Variants in GRIN2D observed in about 807,000 individuals in gnomAD.
The protein encoded by GRIN2D is glutamate ionotropic receptor NMDA type subunit 2D.
GRIN2D carries 37 observed loss-of-function variants against 103.2 expected under a neutral mutation model. The observed-to-expected ratio is 0.36, with a 90% CI of 0.28 to 0.47. The LOEUF (loss-of-function observed/expected upper bound fraction) is 0.47. Ranked by LOEUF, GRIN2D falls within the 20% of genes least tolerant of loss-of-function variation. The pLI is 1.00. For missense variants in GRIN2D, 1,557 were observed against 1,910.6 expected (o/e 0.81, Z 3.45); for synonymous variants, 845 against 885.6 (o/e 0.95, Z 0.81).
chr19:48,424,461 G>A (rs1158117485), intron 11 of GRIN2D, among the ~76,000 whole-genome samples: 1 of 150,710 alleles, frequency 6.6e-6, no homozygotes, highest in Non-Finnish European at 1.5e-5. Context: ...TAATAGAGAC[G>A]GGGTTTCACC....
Position 48,398,410 on chromosome 19 carries a change from C to A in GRIN2D, c.18C>A (p.Gly6=). Residue 6 remains glycine, a synonymous_variant, in exon 3 of 14, where the codon GGC becomes GGA. Transcript: ENST00000263269. ...CGCAGGCGATGCGCGGCGCCGGTGG[C>A]CCCCGCGGCCCTCGGGGCCCCGCTA... is the stretch of plus-strand genomic sequence containing the variant. MRGAG[G]PRGPRGPAKM... is the part of the protein sequence containing the mutation. 1 of 1,118,542 alleles carries A rather than the reference C, an allele frequency of 8.9e-7. No homozygotes were observed. 69.3% of individuals were successfully genotyped at this position (1,118,542 alleles called of 1,614,324 possible). A position where few individuals can be genotyped will look rare whatever the true frequency, so the allele number is the denominator to read the frequency against.
chr19:48,438,183 TAGG>T (rs1245550279), intron 11 of GRIN2D, among the ~76,000 whole-genome samples: 4 of 151,322 alleles, frequency 2.6e-5, no homozygotes, highest in Non-Finnish European at 5.9e-5. Flanking sequence ...TTTGGGGACA[TAGG>T]AGGACTTAAA....
intron 11 of GRIN2D, among the ~76,000 whole-genome samples, chr19:48,428,933 C>T (rs977368473): frequency 2.6e-5 from 4 of 152,050 alleles, no homozygotes; most frequent in Non-Finnish European, 5.9e-5. Context: ...GGACTGGAAC[C>T]CTGGCAGCCC....
At chr19:48,413,104 C>G (rs1273145064) in intron 4 of GRIN2D, among the ~76,000 whole-genome samples, 2 of 148,880 alleles carry the variant, frequency 1.3e-5, no homozygotes, top group African/African-American at 5.0e-5. Context: ...CCATTGCACT[C>G]CAGCCTGGGC....
At position 48,419,822 on chromosome 19, in the gene GRIN2D, T is replaced by C; in HGVS notation, c.2091+8T>C. ...GGGCTCAGTGACCGCAAGGTGTGTG[T>C]GGGCCCAGGGCTGGGCTGGAGCTGG... is the stretch of plus-strand genomic sequence containing the variant. On this transcript the variant is annotated splice_region_variant and intron_variant, in intron 10 of 13. Coordinates refer to ENST00000263269, the MANE Select transcript of GRIN2D (RefSeq NM_000836.4). 6.4e-7 allele frequency: 1 copy of C among 1,551,852 alleles called. No individual in the cohort carries two copies. Among genetic ancestry groups the C allele is most frequent in the South Asian group, 1.1e-5 (1 of 90,106 alleles).
intron 4 of GRIN2D, among the ~76,000 whole-genome samples, chr19:48,409,631 G>C (rs1970831520): frequency 6.6e-6 from 1 of 152,112 alleles, no homozygotes; most frequent in South Asian, 2.1e-4. Context: ...TAGCTTGCCT[G>C]TTCGGAAGCC....
intron 11 of GRIN2D, among the ~76,000 whole-genome samples, chr19:48,425,728 A>G (rs189326255): frequency 1.3e-5 from 2 of 152,296 alleles, no homozygotes; most frequent in Admixed American, 1.3e-4. Flanking sequence ...CCAGCCTTTA[A>G]TAAGTAAAAA....
chr19:48,438,559 A>G (rs1419978125), intron 11 of GRIN2D, among the ~76,000 whole-genome samples: 1 of 151,642 alleles, frequency 6.6e-6, no homozygotes, highest in Non-Finnish European at 1.5e-5. Flanking sequence ...CGGCCTCCCA[A>G]AGTGCTGGGA....
chr19:48,433,206 A>G (rs1048159149), intron 11 of GRIN2D, among the ~76,000 whole-genome samples: 5 of 151,184 alleles, frequency 3.3e-5, no homozygotes, highest in South Asian at 2.1e-4. Flanking sequence ...CATCTCTACT[A>G]AAAATACAAA....
Position 48,414,077 on chromosome 19 carries a change from C to T in GRIN2D, c.1172C>T (p.Ser391Phe), listed in dbSNP as rs1281945477. 76 of 1,608,600 alleles carry T rather than the reference C, an allele frequency of 4.7e-5. No individual in the cohort carries two copies. Among genetic ancestry groups the T allele is most frequent in the Non-Finnish European group, 6.5e-5 (76 of 1,175,154 alleles). ...GTGAACCCCTCCCTGGTGGTCATCTCCCTCACCAGAGACAGGACGTGGGAG... is the reference window on the plus strand; with the variant it reads ...GTGAACCCCTCCCTGGTGGTCATCTTCCTCACCAGAGACAGGACGTGGGAG... ...FLVNPSLVVI[S>F]LTRDRTWEVV... Residue 391 changes from serine to phenylalanine, a missense_variant, in exon 5 of 14, where the codon TCC becomes TTC. Physicochemically the swap from Ser to Phe is radical, Grantham distance 155. Coordinates refer to ENST00000263269, the MANE Select transcript of GRIN2D (RefSeq NM_000836.4). The surrounding 1 kb of genome is among the most constrained non-coding windows in gnomAD (Gnocchi z 4.6).
chr19:48,426,224 C>CTTTTTTTTTTTTTTTTTTTTTTTTT lies in GRIN2D; in HGVS notation c.2252+4296_2252+4297insTTTTTTTTTTTTTTTTTTTTTTTTT, dbSNP rs369360320. On this transcript the variant is annotated intron_variant, in intron 11 of 13. Coordinates refer to ENST00000263269, the MANE Select transcript of GRIN2D (RefSeq NM_000836.4). ...TTTCTTTTTCTTTCTTTCTTTCTTT[C>CTTTTTTTTTTTTTTTTTTTTTTTTT]TTTTTTTTTTTTTTTTTCTGAAACA... 2.5e-4 allele frequency among the ~76,000 whole-genome samples: 30 copies of CTTTTTTTTTTTTTTTTTTTTTTTTT among 120,088 alleles called. 1 individual carries two copies. Among genetic ancestry groups the CTTTTTTTTTTTTTTTTTTTTTTTTT allele is most frequent in the Middle Eastern group, 4.3e-3 (1 of 230 alleles). The allele number at this position is 120,088 out of a possible 152,430, so 78.8% of individuals were successfully genotyped here.
chr19:48,414,339 C>A lies in GRIN2D; in HGVS notation c.1201-34C>A. 1.3e-6 allele frequency: 2 copies of A among 1,543,052 alleles called. No homozygotes were observed. The highest frequency in any genetic ancestry group is 2.3e-5 in the East Asian group (1 of 42,816). ...GGCCAGGATACACCGGGAAGTCTTC[C>A]CAGGAAGCCTGACTCTCTTTCCCTT... is the stretch of plus-strand genomic sequence containing the variant. On this transcript the variant is annotated intron_variant, in intron 5 of 13. Coordinates refer to ENST00000263269, the MANE Select transcript of GRIN2D (RefSeq NM_000836.4). This position sits in a 1 kb window ranked among gnomAD's most constrained non-coding sequence, Gnocchi z 4.6.
At chr19:48,424,872 C>T (rs953509499) in intron 11 of GRIN2D, among the ~76,000 whole-genome samples, 3 of 152,196 alleles carry the variant, frequency 2.0e-5, no homozygotes, top group African/African-American at 7.2e-5. Flanking sequence ...GGCCGCCCCC[C>T]AGGACCCTGG....
At chr19:48,396,289 C>A (rs141668180) in intron 2 of GRIN2D, among the ~76,000 whole-genome samples, 52 of 152,016 alleles carry the variant, frequency 3.4e-4, no homozygotes, top group African/African-American at 1.2e-3. Flanking sequence ...CTCCTCAGGC[C>A]CTGGAGTGGG....
intron 7 of GRIN2D, 106 bp from the exon 8 acceptor site, chr19:48,415,896 A>G: frequency 1.0e-6 from 1 of 981,118 alleles, no homozygotes; most frequent in Admixed American, 1.7e-5. Context: ...CCCTTCCCTC[A>G]CCCTGTCACT....
At chr19:48,401,267 A>AGGG (rs1555891658) in intron 3 of GRIN2D, among the ~76,000 whole-genome samples, 19 of 145,360 alleles carry the variant, frequency 1.3e-4, no homozygotes, top group Admixed American at 4.7e-4. Flanking sequence ...GGGGGGGGGA[A>AGGG]AAAAAGAGAG....
Position 48,419,626 on chromosome 19 carries a change from C to T in GRIN2D, c.1903C>T (p.Leu635=). 6.2e-7 allele frequency: 1 copy of T among 1,613,664 alleles called. No homozygotes were observed. The highest frequency in any genetic ancestry group is 8.5e-7 in the Non-Finnish European group (1 of 1,179,900). ...CTTCACCATTGGGAAATCCATCTGG[C>T]TGCTCTGGGCCCTGGTGTTCAATAA... ...STFTIGKSIW[L]LWALVFNNSV... Residue 635 remains leucine (L), a synonymous_variant, in exon 10 of 14, where the codon CTG becomes TTG. Transcript: ENST00000263269.
At chr19:48,396,345 G>GC (rs1223376538) in intron 2 of GRIN2D, among the ~76,000 whole-genome samples, 5 of 151,850 alleles carry the variant, frequency 3.3e-5, no homozygotes, top group African/African-American at 9.7e-5. Context: ...TGAGCATGCA[G>GC]CCCCCGTGAG....
intron 11 of GRIN2D, among the ~76,000 whole-genome samples, chr19:48,433,591 C>T (rs1017226850): frequency 1.3e-5 from 2 of 152,110 alleles, no homozygotes; most frequent in African/African-American, 2.4e-5. Context: ...AGGAAATGCA[C>T]GTCCTAAAAA....
Sources: allele counts gnomAD v4.1 joint callset (sites outside exome capture counted in the v4.1 genomes callset), GRCh38; gene constraint gnomAD v4.1.1; non-coding constraint Gnocchi (gnomAD v3.1); transcripts MANE v1.5; gene names NCBI Gene and HGNC (gene_info 2026-07-23, HGNC 2026-07-21).